Variants in CPNE5 observed in about 807,000 individuals in gnomAD.
The protein encoded by CPNE5 is copine-5.
In CPNE5, 42 loss-of-function variants were observed where a neutral mutation model predicts 81.1. The ratio of observed to expected loss-of-function variants is 0.52; its 90% CI spans 0.40 to 0.67. The LOEUF is 0.67. Among genes scored for constraint, CPNE5 ranks in the 30% least tolerant of loss-of-function variants. CPNE5 has a pLI of 0.00. For missense variants in CPNE5, 612 were observed against 815.5 expected (o/e 0.75, Z 3.04); for synonymous variants, 313 against 321.5 (o/e 0.97, Z 0.28).
intron 13 of CPNE5, 128 bp downstream of exon 13, chr6:36,756,117 C>T (rs1656145602): frequency 2.2e-6 from 1 of 445,658 alleles, no homozygotes; most frequent in Non-Finnish European, 4.2e-6. Context: ...CACCCCATCT[C>T]TCTTGGATGT....
chr6:36,787,246 AT>A (rs1177085030), intron 8 of CPNE5, among the ~76,000 whole-genome samples: 1 of 151,898 alleles, frequency 6.6e-6, no homozygotes, highest in East Asian at 1.9e-4. Flanking sequence ...CCTGAAGCTT[AT>A]CTTTGGAAAA....
At chr6:36,818,449 A>G (rs1462218169) in intron 3 of CPNE5, among the ~76,000 whole-genome samples, 2 of 152,156 alleles carry the variant, frequency 1.3e-5, no homozygotes, top group Non-Finnish European at 2.9e-5. Flanking sequence ...CTGGCACTTC[A>G]TAAATGCTTC....
At chr6:36,786,012 CAAAAAAA>C (rs36060316) in intron 8 of CPNE5, among the ~76,000 whole-genome samples, 20 of 83,840 alleles carry the variant, frequency 2.4e-4, no homozygotes, top group African/African-American at 8.2e-4. Flanking sequence ...GACTCCGTCT[CAAAAAAA>C]AAAAAAAAAA....
chr6:36,753,347 T>A lies in CPNE5; in HGVS notation c.910-252A>T, dbSNP rs570629590. 2.6e-5 allele frequency among the ~76,000 whole-genome samples: 4 copies of A among 152,258 alleles called. No individual in the cohort carries two copies. The South Asian group carries it at 8.3e-4, about 32-fold the overall frequency. ...GCAGAGAAGGGATCTGAAACCAGGG[T>A]GTGTCTGACTTCAGAGCCTGCACTC... On this transcript the variant is annotated intron_variant, in intron 13 of 20. Transcript: ENST00000244751.
At chr6:36,765,456 G>C (rs575727437) in intron 10 of CPNE5, 80 bp from the exon 11 acceptor site, 1 of 1,549,696 alleles carries the variant, frequency 6.5e-7, no homozygotes, top group Non-Finnish European at 8.9e-7. Context: ...TCATGTTCCC[G>C]GACCAGATAG....
At chr6:36,813,994 G>A (rs1771323833) in intron 3 of CPNE5, among the ~76,000 whole-genome samples, 1 of 152,214 alleles carries the variant, frequency 6.6e-6, no homozygotes, top group South Asian at 2.1e-4. Context: ...TTAGTAAGCT[G>A]AGACTTGAGA....
intron 6 of CPNE5, among the ~76,000 whole-genome samples, 195 bp from the exon 7 acceptor site, chr6:36,794,844 G>A (rs1769429382): frequency 1.3e-5 from 2 of 152,290 alleles, no homozygotes; most frequent in South Asian, 4.1e-4. Flanking sequence ...GGTTCTCAAG[G>A]TGGGATGCCC....
chr6:36,790,113 G>A (rs985179519), intron 8 of CPNE5, among the ~76,000 whole-genome samples: 2 of 152,128 alleles, frequency 1.3e-5, no homozygotes, highest in South Asian at 2.1e-4. Context: ...ACCTTGGACC[G>A]ATCAATTAAC....
chr6:36,794,489 G>C, intron 7 of CPNE5, 101 bp downstream of exon 7: 1 of 1,122,868 alleles, frequency 8.9e-7, no homozygotes, highest in Non-Finnish European at 1.3e-6. Context: ...GGCCAAATTC[G>C]CAGTGATGGG....
intron 8 of CPNE5, among the ~76,000 whole-genome samples, chr6:36,791,703 T>G (rs1056099045): frequency 6.6e-6 from 1 of 152,148 alleles, no homozygotes; most frequent in African/African-American, 2.4e-5. Flanking sequence ...GCCACAGTGT[T>G]GGTGCCAAGG....
rs145742958 is a variant in CPNE5, at chr6:36,768,589, G to A, written c.738-3213C>T. 2.0e-3 allele frequency among the ~76,000 whole-genome samples: 300 copies of A among 152,278 alleles called. 3 individuals carry two copies. Among genetic ancestry groups the A allele is most frequent in the African/African-American group, 7.1e-3 (293 of 41,544 alleles). ...TGGGCTGCCTGAAGTCACTGCAGATGTCACTTGTCACCTGCTGGCCTTGGC... is the reference window on the plus strand; with the variant it reads ...TGGGCTGCCTGAAGTCACTGCAGATATCACTTGTCACCTGCTGGCCTTGGC... On this transcript the variant is annotated intron_variant, in intron 10 of 20. Transcript: ENST00000244751.
chr6:36,742,880 G>C, intron 20 of CPNE5: 1 of 985,344 alleles, frequency 1.0e-6, no homozygotes, highest in Non-Finnish European at 1.2e-6. Flanking sequence ...CTCTCTCTCT[G>C]GCCTCTCTTC....
At chr6:36,811,753 T>C (rs1187465067) in intron 3 of CPNE5, among the ~76,000 whole-genome samples, 1 of 152,106 alleles carries the variant, frequency 6.6e-6, no homozygotes, top group African/African-American at 2.4e-5. Context: ...AGGCAGGGGC[T>C]ACACACATAT....
At position 36,744,335 on chromosome 6, in the gene CPNE5, A is replaced by G. The variant is rs199554895; in HGVS notation, c.1432-10T>C. 146 of 1,578,194 alleles carry G rather than the reference A, an allele frequency of 9.3e-5. No individual in the cohort carries two copies. The East Asian group carries it at 3.3e-3, about 36-fold the overall frequency. ...TGGGGAGCTTGGCAGCCTGGGAGAC[A>G]GCATGGGGGGCAGGGAAAGGTTGGA... On this transcript the variant is annotated splice_polypyrimidine_tract_variant and intron_variant, in intron 18 of 20. Transcript: ENST00000244751.
intron 12 of CPNE5, among the ~76,000 whole-genome samples, chr6:36,759,340 C>T (rs1765798283): frequency 2.0e-5 from 3 of 151,964 alleles, no homozygotes; most frequent in Non-Finnish European, 2.9e-5. Context: ...TGCAGGGGGC[C>T]AGCGCCACCT....
rs147351782 is a variant in CPNE5 at position 36,810,489 on chromosome 6, G to A, written c.184-10419C>T. Reference sequence around the variant, plus strand: ...AAAGCTACCTGACTCAAATAGAAACGGAAAAAGGGAATGTGCTTTCCAAGG... The same window carrying A: ...AAAGCTACCTGACTCAAATAGAAACAGAAAAAGGGAATGTGCTTTCCAAGG... On this transcript the variant is annotated intron_variant, in intron 3 of 20. Coordinates refer to ENST00000244751, the MANE Select transcript of CPNE5 (RefSeq NM_020939.2). Among the ~76,000 whole-genome samples, 245 of 152,318 alleles carry A rather than the reference G, an allele frequency of 1.6e-3. 1 individual carries two copies. The highest frequency in any genetic ancestry group is 5.4e-3 in the African/African-American group (225 of 41,574).
Position 36,763,584 on chromosome 6 carries a change from C to A in CPNE5, c.780-592G>T, listed in dbSNP as rs1766262492. ...TGTCACTGCACTCCAGCCTGGGCAA[C>A]AGAGCGAGACTCTATCTCAAAAAAA... On this transcript the variant is annotated intron_variant, in intron 11 of 20. Coordinates refer to ENST00000244751, the MANE Select transcript of CPNE5 (RefSeq NM_020939.2). Among the ~76,000 whole-genome samples, 3 of 126,274 alleles carry A rather than the reference C, an allele frequency of 2.4e-5. No homozygotes were observed. In the South Asian group the frequency reaches 7.6e-4, roughly 32 times the overall value. The allele number at this position is 126,274 out of a possible 152,430, so 82.8% of individuals were successfully genotyped here. A position where few individuals can be genotyped will look rare whatever the true frequency, so the allele number is the denominator to read the frequency against.
chr6:36,767,306 C>T (rs1766647247), intron 10 of CPNE5, among the ~76,000 whole-genome samples: 1 of 152,176 alleles, frequency 6.6e-6, no homozygotes, highest in South Asian at 2.1e-4. Flanking sequence ...CTGGGCAAGA[C>T]TCAGGAATCT....
chr6:36,745,569 C>T (rs1165377629), intron 16 of CPNE5, 54 bp from the exon 17 acceptor site: 14 of 1,546,570 alleles, frequency 9.1e-6, no homozygotes, highest in Non-Finnish European at 1.1e-5. Context: ...CAGGGGTGCA[C>T]GATGTGTGGG....
Sources: gnomAD v4.1 joint callset for allele counts (sites outside exome capture counted in the v4.1 genomes callset) on GRCh38, gnomAD v4.1.1 for gene constraint, MANE v1.5 for transcripts, NCBI Gene and HGNC (gene_info 2026-07-23, HGNC 2026-07-21) for gene names.